Variants in CEP63 observed in about 807,000 individuals in gnomAD.
CEP63 encodes the protein centrosomal protein 63, also known as centrosomal protein of 63 kDa.
Under a neutral mutation model 89.1 loss-of-function variants are expected in CEP63, and 84 were observed. The ratio of observed to expected loss-of-function variants is 0.94; its 90% CI spans 0.79 to 1.13. The LOEUF (loss-of-function observed/expected upper bound fraction) is 1.13, where lower values mean the gene tolerates loss of function less well. Among genes scored for constraint, CEP63 ranks in the 50% most tolerant of loss-of-function variants. CEP63 has a pLI of 0.00. For missense variants in CEP63, 838 were observed against 813.3 expected, an observed-to-expected ratio of 1.03 and a Z score of -0.37; for synonymous variants, 267 against 272.5, an observed-to-expected ratio of 0.98 and a Z score of 0.20.
the CEP63 span, among the ~76,000 whole-genome samples, chr3:134,738,854 A>G: frequency 6.6e-6 from 1 of 152,234 alleles, no homozygotes; most frequent in Admixed American, 6.5e-5. Flanking sequence ...TCTCTAAAGA[A>G]TATATGCAAG....
the CEP63 span, among the ~76,000 whole-genome samples, chr3:134,595,898 C>T: frequency 2.0e-5 from 3 of 152,134 alleles, no homozygotes; most frequent in African/African-American, 2.4e-5. Context: ...AATATATCAA[C>T]GGTCTTCAAG....
At chr3:134,595,793 C>T in the CEP63 span, among the ~76,000 whole-genome samples, 2 of 152,132 alleles carry the variant, frequency 1.3e-5, no homozygotes, top group African/African-American at 4.8e-5. Flanking sequence ...TTTTACACTT[C>T]ATCCTGCAGG....
chr3:134,704,027 C>T, the CEP63 span, among the ~76,000 whole-genome samples: 2 of 152,108 alleles, frequency 1.3e-5, no homozygotes, highest in Non-Finnish European at 2.9e-5. Flanking sequence ...TTTACCTGTT[C>T]AGCTTAACCC....
the CEP63 span, among the ~76,000 whole-genome samples, chr3:134,695,340 T>G: frequency 6.6e-6 from 1 of 152,212 alleles, no homozygotes; most frequent in African/African-American, 2.4e-5. Flanking sequence ...GAAACAACTC[T>G]GATTGGAAAG....
Position 134,561,791 on chromosome 3 carries a change from T to C in CEP63, c.*256T>C, listed in dbSNP as rs1490769922. 6 of 1,282,454 alleles carry C rather than the reference T, an allele frequency of 4.7e-6. No individual in the cohort carries two copies. The highest frequency in any genetic ancestry group is 5.9e-6 in the Non-Finnish European group (6 of 1,008,756). 79.4% of individuals were successfully genotyped at this position (1,282,454 alleles called of 1,614,324 possible). A position where few individuals can be genotyped will look rare whatever the true frequency, so the allele number is the denominator to read the frequency against. Reference sequence around the variant, plus strand: ...GACTTTTTTCTCATACGAATATTTATTATCATAAAGTGATACTTACCTTGC... The same window carrying C: ...GACTTTTTTCTCATACGAATATTTACTATCATAAAGTGATACTTACCTTGC... On this transcript the variant is annotated 3_prime_UTR_variant, in exon 15 of 15. Coordinates refer to ENST00000675561, the MANE Select transcript of CEP63 (RefSeq NM_001353108.3).
At chr3:134,558,987 C>T (rs1289873059) in intron 13 of CEP63, among the ~76,000 whole-genome samples, 163 bp from the exon 14 acceptor site, 2 of 152,106 alleles carry the variant, frequency 1.3e-5, no homozygotes, top group African/African-American at 4.8e-5. Context: ...ATATTTGGGG[C>T]CTGAATGAAT....
chr3:134,638,859 A>G, the CEP63 span, among the ~76,000 whole-genome samples: 2 of 152,216 alleles, frequency 1.3e-5, no homozygotes, highest in South Asian at 2.1e-4. Context: ...ATTAACTCTG[A>G]CTGATTGGAA....
intron 10 of CEP63, among the ~76,000 whole-genome samples, chr3:134,581,305 A>T (rs745380703): frequency 3.3e-5 from 5 of 152,140 alleles, no homozygotes; most frequent in Non-Finnish European, 7.4e-5. Context: ...TATGGGCCAG[A>T]CGCGGTGGCT....
chr3:134,721,151 A>G, the CEP63 span, among the ~76,000 whole-genome samples: 50 of 152,160 alleles, frequency 3.3e-4, no homozygotes, highest in Admixed American at 7.8e-4. Context: ...TTTCACCAAT[A>G]CTTTGTAGTT....
chr3:134,709,398 G>T, the CEP63 span, among the ~76,000 whole-genome samples: 1 of 151,548 alleles, frequency 6.6e-6, no homozygotes, highest in East Asian at 1.9e-4. Flanking sequence ...AAGAATAGCA[G>T]AGGAGGGGAA....
At chr3:134,626,507 C>T in the CEP63 span, among the ~76,000 whole-genome samples, 1 of 152,308 alleles carries the variant, frequency 6.6e-6, no homozygotes, top group South Asian at 2.1e-4. Flanking sequence ...TCTGCAGGTA[C>T]ATGCAGGGAG....
At chr3:134,689,199 G>T in the CEP63 span, among the ~76,000 whole-genome samples, 49 of 151,354 alleles carry the variant, frequency 3.2e-4, no homozygotes, top group Non-Finnish European at 6.2e-4. Context: ...TTTCTCTTCG[G>T]CTTATGATGA....
intron 5 of CEP63, 189 bp from the exon 6 acceptor site, chr3:134,536,966 G>T: frequency 1.7e-6 from 1 of 601,264 alleles, no homozygotes; most frequent in South Asian, 1.7e-5. Flanking sequence ...ATATCCAGAG[G>T]CACAGTATGT....
At chr3:134,663,666 T>C in the CEP63 span, among the ~76,000 whole-genome samples, 3 of 152,202 alleles carry the variant, frequency 2.0e-5, no homozygotes, top group Admixed American at 6.5e-5. Context: ...CAAGTCCTGG[T>C]GCTGGGTCCA....
At chr3:134,552,351 G>A (rs1955078030) in intron 12 of CEP63, 1 of 178,776 alleles carries the variant, frequency 5.6e-6, no homozygotes, top group Admixed American at 6.0e-5. Flanking sequence ...TCACAGGCAT[G>A]CGCCACCACA....
the CEP63 span, chr3:134,608,942 G>A: frequency 7.5e-7 from 1 of 1,342,000 alleles, no homozygotes; most frequent in Non-Finnish European, 1.0e-6. Flanking sequence ...ATGGGAAGAG[G>A]CACCATCTCC....
chr3:134,562,039 G>A lies in CEP63; in HGVS notation c.*504G>A. On this transcript the variant is annotated 3_prime_UTR_variant, in exon 15 of 15. Coordinates refer to ENST00000675561, the MANE Select transcript of CEP63 (RefSeq NM_001353108.3). ...CTCCTAGCCAAGGGGCTGGTAGTGT[G>A]TAAAGTCAGGCTGGTAGTGAATAAG... is the stretch of plus-strand genomic sequence containing the variant. The A allele has an allele frequency of 3.0e-6, 3 of 1,003,340 alleles. No individual in the cohort carries two copies. Among genetic ancestry groups the A allele is most frequent in the Non-Finnish European group, 3.6e-6 (3 of 840,854 alleles). The allele number at this position is 1,003,340 out of a possible 1,614,324, so 62.2% of individuals were successfully genotyped here.
the CEP63 span, chr3:134,624,982 A>G: frequency 7.7e-7 from 1 of 1,296,946 alleles, no homozygotes; most frequent in African/African-American, 1.5e-5. Context: ...GTGTCTGGGG[A>G]GAGGTTTTGC....
the CEP63 span, among the ~76,000 whole-genome samples, chr3:134,750,673 G>T: frequency 1.3e-5 from 2 of 152,102 alleles, no homozygotes; most frequent in African/African-American, 4.8e-5. Context: ...GGAACAAAGG[G>T]GCTTCCTACA....
Sources: allele counts gnomAD v4.1 joint callset (sites outside exome capture counted in the v4.1 genomes callset), GRCh38; gene constraint gnomAD v4.1.1; transcripts MANE v1.5; gene names NCBI Gene and HGNC (gene_info 2026-07-23, HGNC 2026-07-21).